TRIM5: variants seen among roughly 807,000 people sequenced by gnomAD.
TRIM5 encodes the protein tripartite motif-containing protein 5.
TRIM5 carries 31 observed loss-of-function variants against 35.6 expected under a neutral mutation model. The ratio of observed to expected loss-of-function variants is 0.87; its 90% CI spans 0.65 to 1.18. TRIM5 has a LOEUF of 1.18. TRIM5 is among the 50% of genes most tolerant of loss of function. The pLI is 0.00. For synonymous variants in TRIM5, 243 were observed against 215.6 expected, an observed-to-expected ratio of 1.13 and a Z score of -1.11; for missense variants, 609 against 591.6, an observed-to-expected ratio of 1.03 and a Z score of -0.31.
chr11:5,683,371 G>C (rs1216253366), intron 1 of TRIM5, among the ~76,000 whole-genome samples: 1 of 152,214 alleles, frequency 6.6e-6, no homozygotes, highest in African/African-American at 2.4e-5. Context: ...TGGGGTTCCT[G>C]AGTCTGGTGG....
the TRIM5 span, among the ~76,000 whole-genome samples, chr11:5,653,783 G>A: frequency 1.3e-5 from 2 of 152,066 alleles, no homozygotes; most frequent in African/African-American, 4.8e-5. Flanking sequence ...GAGCCACCAC[G>A]CCCGGCTAAA....
the TRIM5 span, among the ~76,000 whole-genome samples, chr11:5,648,433 G>A: frequency 2.2e-5 from 1 of 44,838 alleles, no homozygotes; most frequent in Non-Finnish European, 5.9e-5. Flanking sequence ...GTGAACCTGG[G>A]AGGTGGAGGT....
chr11:5,653,504 T>TG, the TRIM5 span, among the ~76,000 whole-genome samples: 1 of 151,086 alleles, frequency 6.6e-6, no homozygotes, highest in Non-Finnish European at 1.5e-5. Context: ...TTGTTTTTTT[T>TG]TTTTTGAGAT....
At chr11:5,643,644 G>A in the TRIM5 span, 1 of 1,613,982 alleles carries the variant, frequency 6.2e-7, no homozygotes, top group Non-Finnish European at 8.5e-7. Context: ...TTCTCAGCCT[G>A]TTTATCCATA....
the TRIM5 span, chr11:5,596,997 C>T: frequency 6.2e-7 from 1 of 1,600,596 alleles, no homozygotes; most frequent in Non-Finnish European, 8.5e-7. Flanking sequence ...AGGTCCTTTC[C>T]CTTTCGGAAC....
the TRIM5 span, among the ~76,000 whole-genome samples, chr11:5,591,511 G>A: frequency 1.3e-5 from 2 of 152,210 alleles, no homozygotes; most frequent in Admixed American, 6.5e-5. Flanking sequence ...AGCTGGGCGT[G>A]TTGGCACATG....
intron 7 of TRIM5, 65 bp downstream of exon 7, chr11:5,665,591 A>G (rs1396034026): frequency 1.9e-6 from 3 of 1,585,920 alleles, no homozygotes; most frequent in African/African-American, 2.7e-5. Context: ...ATAAAATTCT[A>G]AAAGATAAAG....
At chr11:5,666,643 G>A (rs1267034667) in intron 5 of TRIM5, among the ~76,000 whole-genome samples, 1 of 152,162 alleles carries the variant, frequency 6.6e-6, no homozygotes, top group East Asian at 1.9e-4. Flanking sequence ...AGATTTCCGG[G>A]AAAAATTACA....
chr11:5,666,812 G>A (rs185844271), intron 5 of TRIM5, among the ~76,000 whole-genome samples: 1 of 152,308 alleles, frequency 6.6e-6, no homozygotes, highest in Admixed American at 6.5e-5. Context: ...TGCAACTGAG[G>A]TGGATCAATT....
chr11:5,655,930 T>C, the TRIM5 span, among the ~76,000 whole-genome samples: 1 of 152,114 alleles, frequency 6.6e-6, no homozygotes, highest in African/African-American at 2.4e-5. Context: ...ATAAATGGTG[T>C]TGGGAAAACT....
the TRIM5 span, among the ~76,000 whole-genome samples, chr11:5,607,761 C>T: frequency 6.6e-6 from 1 of 152,130 alleles, no homozygotes; most frequent in South Asian, 2.1e-4. Context: ...GGAAGGGAGA[C>T]AAGAGTTGCC....
chr11:5,633,780 T>G, the TRIM5 span: 1 of 1,609,140 alleles, frequency 6.2e-7, no homozygotes. Flanking sequence ...ATAGCTTGAC[T>G]GTAGTGTGAT....
At chr11:5,617,767 G>T in the TRIM5 span, among the ~76,000 whole-genome samples, 1 of 151,458 alleles carries the variant, frequency 6.6e-6, no homozygotes, top group Non-Finnish European at 1.5e-5. Context: ...TGGAATTACA[G>T]GCTTGGGCCA....
the TRIM5 span, among the ~76,000 whole-genome samples, chr11:5,651,928 C>T: frequency 6.6e-6 from 1 of 152,134 alleles, no homozygotes; most frequent in African/African-American, 2.4e-5. Context: ...TGCTTGTTGG[C>T]CACGTGTATG....
chr11:5,641,268 T>G, the TRIM5 span: 5 of 1,603,700 alleles, frequency 3.1e-6, no homozygotes, highest in Non-Finnish European at 3.4e-6. Flanking sequence ...TGGTGGTCAA[T>G]TGGAATAAAA....
At chr11:5,683,091 C>G (rs1416447688) in intron 1 of TRIM5, among the ~76,000 whole-genome samples, 2 of 152,226 alleles carry the variant, frequency 1.3e-5, no homozygotes, top group Non-Finnish European at 2.9e-5. Context: ...AGCACCTGGG[C>G]CAGCAGCTGC....
the TRIM5 span, among the ~76,000 whole-genome samples, chr11:5,656,924 C>A: frequency 1.8e-4 from 27 of 152,084 alleles, no homozygotes; most frequent in Non-Finnish European, 3.8e-4. Context: ...GTATCTAGAA[C>A]CAGAAATACC....
At chr11:5,597,675 A>T in the TRIM5 span, among the ~76,000 whole-genome samples, 2 of 151,654 alleles carry the variant, frequency 1.3e-5, no homozygotes, top group Non-Finnish European at 2.9e-5. Flanking sequence ...CTAACTCTGA[A>T]CCCCCAGCCT....
chr11:5,633,090 G>A, the TRIM5 span, among the ~76,000 whole-genome samples: 2 of 148,056 alleles, frequency 1.4e-5, no homozygotes, highest in African/African-American at 5.0e-5. Flanking sequence ...CACCCACCTC[G>A]GCCTCCCAAA....
Sources: gnomAD v4.1 joint callset for allele counts (sites outside exome capture counted in the v4.1 genomes callset) on GRCh38, gnomAD v4.1.1 for gene constraint, MANE v1.5 for transcripts, NCBI Gene and HGNC (gene_info 2026-07-23, HGNC 2026-07-21) for gene names.